The following PUM2 variants were observed in gnomAD, a reference collection of about 807,000 sequenced individuals.
The protein encoded by PUM2 is pumilio RNA binding family member 2.
PUM2 carries 57 observed loss-of-function variants against 124.5 expected under a neutral mutation model. The ratio of observed to expected loss-of-function variants is 0.46; its 90% CI spans 0.37 to 0.57. PUM2 has a LOEUF of 0.57. Ranked by LOEUF, PUM2 falls within the 20% of genes least tolerant of loss-of-function variation. PUM2 has a pLI of 0.00. For synonymous variants in PUM2, 460 were observed against 446.1 expected, an observed-to-expected ratio of 1.03 and a Z score of -0.39; for missense variants, 1,065 against 1,290.6, an observed-to-expected ratio of 0.83 and a Z score of 2.68.
chr2:20,343,303 A>G (rs1268227140), intron 1 of PUM2, among the ~76,000 whole-genome samples: 3 of 152,092 alleles, frequency 2.0e-5, no homozygotes, highest in Non-Finnish European at 4.4e-5. Context: ...CTGAGGTGGA[A>G]GGATCACTAG....
At chr2:20,289,332 C>T (rs986010954) in intron 10 of PUM2, among the ~76,000 whole-genome samples, 6 of 152,130 alleles carry the variant, frequency 3.9e-5, no homozygotes, top group Non-Finnish European at 8.8e-5. Flanking sequence ...ACTCCTCTCT[C>T]CGTTCTACAT....
chr2:20,313,835 CAAAAAA>C (rs35569645), intron 3 of PUM2, among the ~76,000 whole-genome samples: 1,083 of 55,038 alleles, frequency 0.02, 19 homozygotes, highest in African/African-American at 0.055. Flanking sequence ...GATCCTGTCT[CAAAAAA>C]AAAAAAAAAA....
At chr2:20,268,244 C>A (rs561002566) in intron 13 of PUM2, among the ~76,000 whole-genome samples, 1 of 152,110 alleles carries the variant, frequency 6.6e-6, no homozygotes, top group Admixed American at 6.6e-5. Flanking sequence ...AGTATGGGGA[C>A]TAATTAATTA....
At position 20,249,075 on chromosome 2, in the gene PUM2, T is replaced by C. The variant is rs775200021; in HGVS notation, c.*2510A>G. ...GCAGGCCTGAAAGTATTGGGAAGAT[T>C]GGGTTGTCAGCACTGGGACAAATGG... On this transcript the variant is annotated 3_prime_UTR_variant, in exon 21 of 21. Coordinates refer to ENST00000361078, the MANE Select transcript of PUM2 (RefSeq NM_015317.5). 7.2e-5 allele frequency: 11 copies of C among 152,196 alleles called. No individual in the cohort carries two copies. Among genetic ancestry groups the C allele is most frequent in the Non-Finnish European group, 1.6e-4 (11 of 68,040 alleles). The allele number at this position is 152,196 out of a possible 1,614,324, so 9.4% of individuals were successfully genotyped here.
At chr2:20,318,723 C>A (rs1681587980) in intron 2 of PUM2, 78 bp from the exon 3 acceptor site, 1 of 993,622 alleles carries the variant, frequency 1.0e-6, no homozygotes, top group Non-Finnish European at 1.5e-6. Context: ...AAACATATCA[C>A]TGCTATGTAT....
At chr2:20,255,053 T>A in intron 18 of PUM2, 69 bp from the exon 19 acceptor site, 2 of 1,539,768 alleles carry the variant, frequency 1.3e-6, no homozygotes, top group Admixed American at 3.7e-5. Context: ...TAAAGACATG[T>A]TAATCATTTC....
intron 1 of PUM2, among the ~76,000 whole-genome samples, chr2:20,344,007 T>C (rs968456569): frequency 1.3e-5 from 2 of 152,186 alleles, no homozygotes; most frequent in African/African-American, 2.4e-5. Flanking sequence ...ATAGAAAATA[T>C]CTTCAACATT....
chr2:20,279,800 T>C (rs549246061), intron 12 of PUM2, among the ~76,000 whole-genome samples: 4 of 152,262 alleles, frequency 2.6e-5, no homozygotes, highest in South Asian at 4.1e-4. Flanking sequence ...TTCCACAGCA[T>C]GCATCTCTAA....
Position 20,263,442 on chromosome 2 carries a change from C to G in PUM2, c.1976G>C (p.Ser659Thr), listed in dbSNP as rs1666781068. ...SLHLGGLTNG[S>T]GRYISAAPGA... ...AGGTGCTGCAGAGATATATCGACCACTACCATTTGTCAGTCCTCCTACAAC... is the reference window on the plus strand; with the variant it reads ...AGGTGCTGCAGAGATATATCGACCAGTACCATTTGTCAGTCCTCCTACAAC... Residue 659 changes from serine (S) to threonine (T), a missense_variant, in exon 14 of 21, where the codon AGT (serine) becomes ACT (threonine). By Grantham distance (58) the Ser-to-Thr change is moderately conservative. Coordinates refer to ENST00000361078, the MANE Select transcript of PUM2 (RefSeq NM_015317.5). 1.2e-6 allele frequency: 2 copies of G among 1,611,396 alleles called. No individual in the cohort carries two copies. Among genetic ancestry groups the G allele is most frequent in the African/African-American group, 1.3e-5 (1 of 74,896 alleles).
chr2:20,326,188 T>G, intron 2 of PUM2: 30 of 1,173,154 alleles, frequency 2.6e-5, no homozygotes, highest in Non-Finnish European at 3.2e-5. Flanking sequence ...TTCTTAGGGT[T>G]GAGAATTTTA....
chr2:20,298,451 A>G (rs1676163410), intron 7 of PUM2, among the ~76,000 whole-genome samples: 2 of 152,234 alleles, frequency 1.3e-5, no homozygotes. Context: ...AGACCTAAAA[A>G]TATACATTTG....
intron 2 of PUM2, among the ~76,000 whole-genome samples, chr2:20,321,340 C>T (rs7355288): frequency 0.32 from 48,444 of 151,728 alleles, 8,568 homozygotes; most frequent in East Asian, 0.74. Context: ...GGCTGGGAAG[C>T]GGGGGGGAGG....
chr2:20,317,630 G>A (rs371466011), intron 3 of PUM2, among the ~76,000 whole-genome samples: 1 of 152,036 alleles, frequency 6.6e-6, no homozygotes, highest in Non-Finnish European at 1.5e-5. Context: ...CAGGGGTTTG[G>A]TGTACAGATT....
intron 1 of PUM2, among the ~76,000 whole-genome samples, chr2:20,333,235 T>A (rs867223050): frequency 9.2e-5 from 14 of 152,312 alleles, no homozygotes; most frequent in African/African-American, 3.4e-4. Context: ...TACTAGTGCA[T>A]AATCCAAAAT....
Position 20,251,574 on chromosome 2 carries a change from G to T in PUM2, c.*11C>A. 1 of 1,605,876 alleles carries T rather than the reference G, an allele frequency of 6.2e-7. No individual in the cohort carries two copies. Among genetic ancestry groups the T allele is most frequent in the East Asian group, 2.2e-5 (1 of 44,768 alleles). ...ATGGTTAAATTATCTTCTTTCTCTT[G>T]CTCCTGTAATTTACAGCATTCCATT... On this transcript the variant is annotated 3_prime_UTR_variant, in exon 21 of 21. Transcript: ENST00000361078.
At chr2:20,345,257 C>T (rs1468033760) in intron 1 of PUM2, among the ~76,000 whole-genome samples, 1 of 151,728 alleles carries the variant, frequency 6.6e-6, no homozygotes, top group Non-Finnish European at 1.5e-5. Context: ...ACTGTAAGTG[C>T]GTGCCACCAT....
chr2:20,311,542 T>C lies in PUM2; in HGVS notation c.470A>G (p.Asn157Ser), dbSNP rs761198656. 1.2e-6 allele frequency: 2 copies of C among 1,612,966 alleles called. No homozygotes were observed. The highest frequency in any genetic ancestry group is 1.7e-6 in the Non-Finnish European group (2 of 1,179,476). ...CATTCCATTTGGCAAACCTCTGCCA[T>C]TTATTTTAGAATCATCATCATCTCC... ...KQGDDDDSKI[N>S]GRGLPNGMDA... The change falls in exon 5 of 21, where the codon AAT (asparagine) becomes AGT (serine). Residue 157 changes from asparagine to serine, a missense_variant. Physicochemically the swap from Asn to Ser is conservative, Grantham distance 46 (BLOSUM62 1). Transcript: ENST00000361078.
intron 10 of PUM2, among the ~76,000 whole-genome samples, chr2:20,289,259 CTCTTCTTAAT>C (rs1280402145): frequency 6.6e-6 from 1 of 152,178 alleles, no homozygotes; most frequent in Admixed American, 6.5e-5. Flanking sequence ...GCCAGAGGCA[CTCTTCTTAAT>C]TCCAGGTTCC....
At chr2:20,278,314 A>G (rs1392226178) in intron 13 of PUM2, among the ~76,000 whole-genome samples, 1 of 152,094 alleles carries the variant, frequency 6.6e-6, no homozygotes, top group Admixed American at 6.6e-5. Flanking sequence ...AAAACACACA[A>G]ATCAAAAGCA....
Sources: allele counts gnomAD v4.1 joint callset (sites outside exome capture counted in the v4.1 genomes callset), GRCh38; gene constraint gnomAD v4.1.1; transcripts MANE v1.5; gene names NCBI Gene and HGNC (gene_info 2026-07-23, HGNC 2026-07-21).